The following CLSTN2 variants were observed in gnomAD, a reference collection of about 807,000 sequenced individuals.
CLSTN2 encodes the protein calsyntenin-2.
CLSTN2 carries 48 observed loss-of-function variants against 101.2 expected under a neutral mutation model. That is an observed-to-expected ratio of 0.47 (90% CI 0.38 to 0.60). CLSTN2 has a LOEUF of 0.60. Ranked by LOEUF, CLSTN2 falls within the 20% of genes least tolerant of loss-of-function variation. The probability of loss-of-function intolerance (pLI) is 0.00; values close to 1 mark genes in which losing one functional copy is unlikely to be tolerated. For missense variants in CLSTN2, 1,160 were observed against 1,238.2 expected, an observed-to-expected ratio of 0.94 and a Z score of 0.95; for synonymous variants, 481 against 463.6, an observed-to-expected ratio of 1.04 and a Z score of -0.48.
intron 1 of CLSTN2, among the ~76,000 whole-genome samples, chr3:140,123,167 G>C (rs923344115): frequency 7.8e-6 from 1 of 128,140 alleles, no homozygotes; most frequent in African/African-American, 2.8e-5. Context: ...CCTCCAGGGC[G>C]GGGGGGTGGG....
At chr3:140,564,214 A>G in intron 16 of CLSTN2, 69 bp downstream of exon 16, 7 of 1,468,014 alleles carry the variant, frequency 4.8e-6, no homozygotes, top group Non-Finnish European at 6.6e-6. Flanking sequence ...AACCCTTCCT[A>G]TGCCTAAAGC....
intron 2 of CLSTN2, among the ~76,000 whole-genome samples, chr3:140,240,906 G>T (rs1311690575): frequency 6.6e-6 from 1 of 152,100 alleles, no homozygotes; most frequent in East Asian, 1.9e-4. Context: ...CTTCCTGGAT[G>T]GGATGCTGGC....
At chr3:140,501,267 C>A (rs1302779746) in intron 8 of CLSTN2, among the ~76,000 whole-genome samples, 1 of 152,204 alleles carries the variant, frequency 6.6e-6, no homozygotes, top group Non-Finnish European at 1.5e-5. Flanking sequence ...AGATTCAGTT[C>A]AGATGTTTGC....
chr3:140,009,147 A>T (rs1491004392), intron 1 of CLSTN2, among the ~76,000 whole-genome samples: 1 of 152,176 alleles, frequency 6.6e-6, no homozygotes, highest in Non-Finnish European at 1.5e-5. Context: ...TTGAAGAAAG[A>T]TTTCTTTCTC....
intron 1 of CLSTN2, among the ~76,000 whole-genome samples, chr3:139,993,879 G>T (rs1029655768): frequency 8.0e-6 from 1 of 125,588 alleles, no homozygotes; most frequent in Non-Finnish European, 1.8e-5. Flanking sequence ...ACAAACGGCA[G>T]GAAACTGCAC....
intron 2 of CLSTN2, among the ~76,000 whole-genome samples, chr3:140,199,396 C>G (rs1028745922): frequency 6.6e-6 from 1 of 152,034 alleles, no homozygotes; most frequent in Non-Finnish European, 1.5e-5. Flanking sequence ...GGCTTCACCC[C>G]TTAAAAAAAA....
intron 1 of CLSTN2, among the ~76,000 whole-genome samples, chr3:140,043,508 G>T (rs140019847): frequency 0.013 from 1,937 of 152,128 alleles, 47 homozygotes; most frequent in African/African-American, 0.042. Flanking sequence ...TCTTTTGCTA[G>T]GCAGAAGCTC....
chr3:139,977,350 G>A (rs755225038), intron 1 of CLSTN2, among the ~76,000 whole-genome samples: 7 of 152,108 alleles, frequency 4.6e-5, no homozygotes, highest in Non-Finnish European at 1.0e-4. Flanking sequence ...CATGGTGGGA[G>A]AACACCATGA....
chr3:140,322,115 A>C (rs1481147424), intron 2 of CLSTN2, among the ~76,000 whole-genome samples: 1 of 152,204 alleles, frequency 6.6e-6, no homozygotes, highest in Admixed American at 6.5e-5. Context: ...TCAGTTCCAG[A>C]ACAAGCACTT....
chr3:140,183,534 A>G (rs2010439809), intron 2 of CLSTN2, among the ~76,000 whole-genome samples: 1 of 152,236 alleles, frequency 6.6e-6, no homozygotes, highest in African/African-American at 2.4e-5. Flanking sequence ...TGAAAAGTGA[A>G]TAATGAAATC....
chr3:140,106,166 C>A (rs2009055227), intron 1 of CLSTN2, among the ~76,000 whole-genome samples: 1 of 152,172 alleles, frequency 6.6e-6, no homozygotes, highest in Admixed American at 6.5e-5. Context: ...GAGCAGCATA[C>A]CTTCCCTGAG....
intron 5 of CLSTN2, among the ~76,000 whole-genome samples, chr3:140,437,822 T>G (rs2088703819): frequency 6.6e-6 from 1 of 152,252 alleles, no homozygotes; most frequent in Non-Finnish European, 1.5e-5. Context: ...TTAAAAAGAA[T>G]AAACTCAGTA....
chr3:140,443,511 G>A (rs1217357447), intron 5 of CLSTN2, among the ~76,000 whole-genome samples: 2 of 152,208 alleles, frequency 1.3e-5, no homozygotes, highest in Non-Finnish European at 2.9e-5. Context: ...AATCCACAAA[G>A]AAGGGGTTTA....
At chr3:140,253,791 A>G (rs2086583161) in intron 2 of CLSTN2, among the ~76,000 whole-genome samples, 1 of 151,802 alleles carries the variant, frequency 6.6e-6, no homozygotes, top group South Asian at 2.1e-4. Context: ...TTTCTCTTAC[A>G]GTTACAGTAC....
intron 6 of CLSTN2, among the ~76,000 whole-genome samples, chr3:140,458,125 A>G (rs929428135): frequency 2.0e-5 from 3 of 152,168 alleles, no homozygotes; most frequent in East Asian, 3.9e-4. Context: ...CCAGCATGGC[A>G]TCTTCCTTGA....
intron 1 of CLSTN2, among the ~76,000 whole-genome samples, chr3:140,054,938 C>T (rs1292492098): frequency 2.0e-5 from 3 of 152,186 alleles, no homozygotes; most frequent in Non-Finnish European, 4.4e-5. Flanking sequence ...AATTTGATTT[C>T]CACCCAACTT....
At chr3:140,196,133 G>C (rs989320801) in intron 2 of CLSTN2, among the ~76,000 whole-genome samples, 1 of 152,140 alleles carries the variant, frequency 6.6e-6, no homozygotes, top group African/African-American at 2.4e-5. Context: ...AGAATGCCTG[G>C]GAACAGCCAC....
At chr3:140,295,118 A>G (rs984054295) in intron 2 of CLSTN2, among the ~76,000 whole-genome samples, 4 of 152,166 alleles carry the variant, frequency 2.6e-5, no homozygotes, top group Non-Finnish European at 5.9e-5. Flanking sequence ...ACCTGGTTTT[A>G]TACAAGTTGT....
At chr3:139,983,106 T>C (rs969076476) in intron 1 of CLSTN2, among the ~76,000 whole-genome samples, 8 of 149,214 alleles carry the variant, frequency 5.4e-5, no homozygotes, top group African/African-American at 1.7e-4. Context: ...CTCTTTCCTA[T>C]GCAAGGTCTT....
Sources: allele counts gnomAD v4.1 joint callset (sites outside exome capture counted in the v4.1 genomes callset), GRCh38; gene constraint gnomAD v4.1.1; transcripts MANE v1.5; gene names NCBI Gene and HGNC (gene_info 2026-07-23, HGNC 2026-07-21).